The following DDR2 variants were observed in gnomAD, a reference collection of about 807,000 sequenced individuals.
DDR2 encodes discoidin domain-containing receptor 2.
A neutral mutation model predicts 94.9 loss-of-function variants in DDR2; 27 were observed. The ratio of observed to expected loss-of-function variants is 0.28; its 90% confidence interval spans 0.21 to 0.39. The LOEUF (loss-of-function observed/expected upper bound fraction) is 0.39. Among genes scored for constraint, DDR2 ranks in the 10% least tolerant of loss-of-function variants. DDR2 has a pLI of 1.00. For missense variants in DDR2, 783 were observed against 1,076.0 expected (o/e 0.73, Z 3.81); for synonymous variants, 382 against 377.2 (o/e 1.01, Z -0.15).
In DDR2 at chr1:162,745,682, G is replaced by T. The variant is rs527800207; in HGVS notation, c.83-7413G>T. On this transcript the variant is annotated intron_variant, in intron 3 of 17. Transcript: ENST00000367921. ...TCTATTCTGTCCTATTGGTCTATATGTCTGTTTTTTCAGGTACCATACTGT... is the reference window on the plus strand; with the variant it reads ...TCTATTCTGTCCTATTGGTCTATATTTCTGTTTTTTCAGGTACCATACTGT... Among the ~76,000 whole-genome samples, 27 of 151,888 alleles carry T rather than the reference G, an allele frequency of 1.8e-4. 2 individuals are homozygous for T. In the South Asian group the frequency reaches 3.7e-3, roughly 21 times the overall value.
At chr1:162,644,381 T>C (rs1657303929) in intron 1 of DDR2, among the ~76,000 whole-genome samples, 1 of 152,186 alleles carries the variant, frequency 6.6e-6, no homozygotes, top group Non-Finnish European at 1.5e-5. Flanking sequence ...CTCAGAGCTA[T>C]TGAGGGAAGT....
At chr1:162,687,235 G>T (rs1021484301) in intron 2 of DDR2, among the ~76,000 whole-genome samples, 2 of 152,224 alleles carry the variant, frequency 1.3e-5, no homozygotes, top group Non-Finnish European at 2.9e-5. Flanking sequence ...AGGAGGCAAG[G>T]CATTACCTGC....
At chr1:162,712,342 A>G (rs1660957478) in intron 2 of DDR2, among the ~76,000 whole-genome samples, 1 of 150,970 alleles carries the variant, frequency 6.6e-6, no homozygotes, top group African/African-American at 2.4e-5. Context: ...TTACCCTTTC[A>G]CCATGATTTG....
chr1:162,746,422 G>C (rs1399862164), intron 3 of DDR2, among the ~76,000 whole-genome samples: 4 of 152,230 alleles, frequency 2.6e-5, no homozygotes, highest in Admixed American at 2.6e-4. Context: ...GGCTGGGGGA[G>C]GGGCCTCTGC....
chr1:162,771,152 A>G (rs1449967507), intron 12 of DDR2, among the ~76,000 whole-genome samples: 1 of 152,248 alleles, frequency 6.6e-6, no homozygotes, highest in East Asian at 1.9e-4. Flanking sequence ...GTGTCAGTTG[A>G]TTCAAATTTC....
At chr1:162,635,611 C>T (rs1355944776) in intron 1 of DDR2, among the ~76,000 whole-genome samples, 1 of 152,296 alleles carries the variant, frequency 6.6e-6, no homozygotes, top group Middle Eastern at 3.4e-3. Flanking sequence ...ATGAATTGAT[C>T]GACTCTGTCC....
chr1:162,658,914 C>T (rs1043902447), intron 2 of DDR2, among the ~76,000 whole-genome samples: 9 of 151,986 alleles, frequency 5.9e-5, no homozygotes, highest in South Asian at 2.1e-4. Context: ...TCTAGGTAAA[C>T]AGGGCTCCAG....
At chr1:162,725,015 T>C (rs1481349128) in intron 3 of DDR2, among the ~76,000 whole-genome samples, 2 of 152,182 alleles carry the variant, frequency 1.3e-5, no homozygotes, top group Non-Finnish European at 1.5e-5. Flanking sequence ...GAAACTCATC[T>C]GCCCCTTGAG....
chr1:162,677,475 C>A (rs1331346537), intron 2 of DDR2, among the ~76,000 whole-genome samples: 1 of 152,202 alleles, frequency 6.6e-6, no homozygotes, highest in Non-Finnish European at 1.5e-5. Context: ...TTGATCTTCT[C>A]AGGCTTCTTA....
intron 2 of DDR2, among the ~76,000 whole-genome samples, chr1:162,658,368 T>C (rs1658113063): frequency 6.6e-6 from 1 of 152,176 alleles, no homozygotes; most frequent in Non-Finnish European, 1.5e-5. Flanking sequence ...CAAAACTCTG[T>C]GATCATGTTG....
Position 162,658,662 on chromosome 1 carries a change from CAAAA to C in DDR2, c.-28+3303_-28+3306del, listed in dbSNP as rs796958023. Among the ~76,000 whole-genome samples the C allele has an allele frequency of 7.0e-3, 426 of 61,094 alleles. 1 individual carries two copies. The highest frequency in any genetic ancestry group is 0.022 in the African/African-American group (406 of 18,220). 40.1% of individuals were successfully genotyped at this position (61,094 alleles called of 152,430 possible). The stretch of plus-strand genomic sequence containing the variant: ...GCAACGTGGCAAGACCTTGTCTGTA[CAAAA>C]AAAAAAAAAAAAAATGCCAGGTATG... On this transcript the variant is annotated intron_variant, in intron 2 of 17. Transcript: ENST00000367921.
intron 2 of DDR2, among the ~76,000 whole-genome samples, chr1:162,697,715 T>C (rs1660253744): frequency 6.6e-6 from 1 of 152,212 alleles, no homozygotes; most frequent in Admixed American, 6.5e-5. Context: ...AAGCACTGTT[T>C]CTAGGTATTA....
chr1:162,731,497 C>A (rs994131599), intron 3 of DDR2, among the ~76,000 whole-genome samples: 1 of 152,162 alleles, frequency 6.6e-6, no homozygotes, highest in Admixed American at 6.5e-5. Flanking sequence ...TAATACCTAA[C>A]TTTATTGAAT....
Position 162,755,175 on chromosome 1 carries a change from A to T in DDR2, c.437A>T (p.Asn146Ile). ...HGKQVLDGNS[N>I]PYDIFLKDLE... ...CCTCAGGTGCTGGATGGAAATAGTA[A>T]CCCCTATGACATTTTCCTAAAGGAC... The change falls in exon 6 of 18, where the codon AAC (asparagine) becomes ATC (isoleucine). Residue 146 changes from asparagine (N) to isoleucine (I), a missense_variant. Coordinates refer to ENST00000367921, the MANE Select transcript of DDR2 (RefSeq NM_006182.4). The T allele has an allele frequency of 6.2e-7, 1 of 1,613,938 alleles. No homozygotes were observed. The highest frequency in any genetic ancestry group is 8.5e-7 in the Non-Finnish European group (1 of 1,179,968).
intron 2 of DDR2, among the ~76,000 whole-genome samples, chr1:162,686,743 A>T: frequency 6.6e-6 from 1 of 152,096 alleles, no homozygotes; most frequent in Non-Finnish European, 1.5e-5. Flanking sequence ...AGTAATGGGA[A>T]TTTTTTGTAT....
At chr1:162,700,266 A>G (rs1308038851) in intron 2 of DDR2, among the ~76,000 whole-genome samples, 1 of 152,094 alleles carries the variant, frequency 6.6e-6, no homozygotes, top group Non-Finnish European at 1.5e-5. Context: ...ATCTTTTGCT[A>G]TTTGGGTAAA....
intron 6 of DDR2, 132 bp from the exon 7 acceptor site, chr1:162,755,532 A>G (rs1663418819): frequency 9.4e-7 from 1 of 1,062,796 alleles, no homozygotes; most frequent in East Asian, 2.4e-5. Flanking sequence ...CACTCCTCCA[A>G]AGTCTTCCCT....
rs570404882 is a variant in DDR2 at position 162,736,366 on chromosome 1, A to G, written c.83-16729A>G. Among the ~76,000 whole-genome samples, 6 of 152,332 alleles carry G rather than the reference A, an allele frequency of 3.9e-5. No homozygotes were observed. The South Asian group carries it at 1.2e-3, about 32-fold the overall frequency. ...GGAGCTTGCTCAGATCCCACATGGT[A>G]TAAGTGGTAGAACCGGGAGTGGATG... On this transcript the variant is annotated intron_variant, in intron 3 of 17. Transcript: ENST00000367921.
intron 1 of DDR2, among the ~76,000 whole-genome samples, chr1:162,644,420 A>T (rs1657306072): frequency 6.6e-6 from 1 of 152,152 alleles, no homozygotes; most frequent in South Asian, 2.1e-4. Context: ...AATACTTTCA[A>T]ATCCATCCTT....
Sources: allele counts gnomAD v4.1 joint callset (sites outside exome capture counted in the v4.1 genomes callset), GRCh38; gene constraint gnomAD v4.1.1; transcripts MANE v1.5; gene names NCBI Gene and HGNC (gene_info 2026-07-23, HGNC 2026-07-21).